UPK3A: variants seen among roughly 807,000 people sequenced by gnomAD.
UPK3A encodes uroplakin-3a.
In UPK3A, 32 loss-of-function variants were observed where a neutral mutation model predicts 27.6. The ratio of observed to expected loss-of-function variants is 1.16; its 90% CI spans 0.87 to 1.55. The LOEUF (loss-of-function observed/expected upper bound fraction) is 1.55. Ranked by LOEUF, UPK3A falls within the 40% of genes most tolerant of loss-of-function variation. The pLI, the probability that UPK3A is intolerant of heterozygous loss-of-function variation, is 0.00. For missense variants in UPK3A, 370 were observed against 367.9 expected (o/e 1.01, Z -0.05); for synonymous variants, 171 against 163.9 (o/e 1.04, Z -0.33).
chr22:45,286,047 G>T lies in UPK3A; in HGVS notation c.159G>T (p.Glu53Asp). Residue 53 changes from glutamate (E) to aspartate (D), a missense_variant, in exon 2 of 6, where the codon GAG becomes GAT. Transcript: ENST00000216211. ...EKPLCMFDSK[E>D]ALTGTHEVYL... ...CTCTCTGCATGTTTGACAGCAAAGA[G>T]GCCCTCACTGGCACCCACGAGGTCT... 1.2e-6 allele frequency: 2 copies of T among 1,614,190 alleles called. No individual in the cohort carries two copies. The highest frequency in any genetic ancestry group is 2.2e-5 in the South Asian group (2 of 91,086).
rs989026287 is a variant in UPK3A, at chr22:45,287,200, C to T, written c.237C>T (p.Asp79=). The T allele has an allele frequency of 1.9e-6, 3 of 1,614,218 alleles. No homozygotes were observed. Among genetic ancestry groups the T allele is most frequent in the South Asian group, 2.2e-5 (2 of 91,086 alleles). ...TTTCCAGGAATGCCTCAGTGCAAGA[C>T]AGCACCAACACCCCACTGGGCTCAA... is the stretch of plus-strand genomic sequence containing the variant. ...SAISRNASVQ[D]STNTPLGSTF... is the part of the protein sequence containing the mutation. Residue 79 remains aspartate (D), a synonymous_variant, in exon 3 of 6, where the codon GAC becomes GAT. Transcript: ENST00000216211.
At chr22:45,290,356 A>T (rs1318310821) in intron 4 of UPK3A, among the ~76,000 whole-genome samples, 1 of 152,170 alleles carries the variant, frequency 6.6e-6, no homozygotes, top group Non-Finnish European at 1.5e-5. Flanking sequence ...TGTTGAGCCC[A>T]TGTGCACCCC....
At chr22:45,291,940 G>A (rs1003259984) in intron 4 of UPK3A, among the ~76,000 whole-genome samples, 18 of 151,896 alleles carry the variant, frequency 1.2e-4, no homozygotes, top group Non-Finnish European at 1.0e-4. Context: ...GGCAGTGTGT[G>A]TCAGTTGGTA....
chr22:45,295,602 A>T lies in UPK3A; in HGVS notation c.747A>T (p.Gln249His). ...SSDGETTHDS[Q>H]ITQEAVPKSL... ...ATGGGGAAACGACTCACGACTCCCA[A>T]ATCACTCAGGAGGCTGTTCCCAAGT... Residue 249 changes from glutamine to histidine, a missense_variant, in exon 6 of 6, where the codon CAA (glutamine) becomes CAT (histidine). Gln to His is a conservative substitution (Grantham distance 24). Transcript: ENST00000216211. The T allele has an allele frequency of 6.2e-7, 1 of 1,614,066 alleles. No homozygotes were observed. The highest frequency in any genetic ancestry group is 8.5e-7 in the Non-Finnish European group (1 of 1,180,020).
intron 4 of UPK3A, 29 bp downstream of exon 4, chr22:45,289,172 G>T (rs1374491081): frequency 6.8e-6 from 11 of 1,611,140 alleles, no homozygotes; most frequent in Non-Finnish European, 8.5e-6. Flanking sequence ...TGGTGGTGAT[G>T]CTCAAGGGGA....
chr22:45,295,560 G>A lies in UPK3A; in HGVS notation c.705G>A (p.Val235=). 1 of 1,614,084 alleles carries A rather than the reference G, an allele frequency of 6.2e-7. No individual in the cohort carries two copies. The highest frequency in any genetic ancestry group is 1.1e-5 in the South Asian group (1 of 91,084). ...TGGGTCTTTCCATCCCCTTGGACAG[G>A]GACATGGGGAGTTCTGATGGGGAAA... ...GFAGAIALSL[V]DMGSSDGETT... The change falls in exon 6 of 6, where the codon GTG becomes GTA. Residue 235 remains valine (V), a splice_region_variant and synonymous_variant. Coordinates refer to ENST00000216211, the MANE Select transcript of UPK3A (RefSeq NM_006953.4).
rs2084175263 is a variant in UPK3A at position 45,293,389 on chromosome 22, G to A, written c.704+76G>A. On this transcript the variant is annotated intron_variant, in intron 5 of 5. Coordinates refer to ENST00000216211, the MANE Select transcript of UPK3A (RefSeq NM_006953.4). ...ATTTGGCTCACAGGGACTCAGCAGT[G>A]GGGTCCTCCGAGGCAGGGGACAGCC... 5 of 1,587,236 alleles carry A rather than the reference G, an allele frequency of 3.2e-6. No homozygotes were observed. The Admixed American group carries it at 6.7e-5, about 21-fold the overall frequency.
intron 3 of UPK3A, 84 bp downstream of exon 3, chr22:45,287,535 C>A: frequency 6.6e-7 from 1 of 1,509,738 alleles, no homozygotes; most frequent in Non-Finnish European, 9.0e-7. Context: ...TAGGAGCAGC[C>A]ACACTTCTTG....
At chr22:45,288,961 C>T in intron 3 of UPK3A, 100 bp from the exon 4 acceptor site, 2 of 1,139,248 alleles carry the variant, frequency 1.8e-6, no homozygotes, top group East Asian at 4.8e-5. Flanking sequence ...GCCCCCGCTG[C>T]CGTCTCCCAC....
At chr22:45,294,466 G>T (rs1294960145) in intron 5 of UPK3A, among the ~76,000 whole-genome samples, 1 of 152,060 alleles carries the variant, frequency 6.6e-6, no homozygotes, top group East Asian at 1.9e-4. Flanking sequence ...AATCAGAGGT[G>T]TCAGTGGAGT....
At chr22:45,285,152 T>A in intron 1 of UPK3A, 87 bp downstream of exon 1, 3 of 1,257,142 alleles carry the variant, frequency 2.4e-6, no homozygotes, top group Non-Finnish European at 3.3e-6. Context: ...CCCTGATTCC[T>A]GGCGCTGGGG....
At position 45,295,548 on chromosome 22, in the gene UPK3A, C is replaced by T; in HGVS notation, c.705-12C>T. On this transcript the variant is annotated splice_polypyrimidine_tract_variant and intron_variant, in intron 5 of 5. Coordinates refer to ENST00000216211, the MANE Select transcript of UPK3A (RefSeq NM_006953.4). Reference sequence around the variant, plus strand: ...GTCCCCTAATCCTGGGTCTTTCCATCCCCTTGGACAGGGACATGGGGAGTT... The same window carrying T: ...GTCCCCTAATCCTGGGTCTTTCCATTCCCTTGGACAGGGACATGGGGAGTT... 1 of 1,614,080 alleles carries T rather than the reference C, an allele frequency of 6.2e-7. No individual in the cohort carries two copies.
intron 5 of UPK3A, among the ~76,000 whole-genome samples, chr22:45,294,415 C>CA (rs909865095): frequency 2.0e-5 from 3 of 151,198 alleles, no homozygotes; most frequent in Non-Finnish European, 2.9e-5. Flanking sequence ...CCTGGTACAC[C>CA]CCCCCCGGGA....
At chr22:45,289,491 T>C (rs2084143964) in intron 4 of UPK3A, among the ~76,000 whole-genome samples, 2 of 147,414 alleles carry the variant, frequency 1.4e-5, no homozygotes, top group African/African-American at 5.1e-5. Flanking sequence ...GGCGGGAGAA[T>C]AGCGTGAACC....
In UPK3A at chr22:45,287,218, G is replaced by A. The variant is rs781421088; in HGVS notation, c.255G>A (p.Leu85=). The part of the protein sequence containing the change: ...ASVQDSTNTP[L]GSTFLQTEGG... ...TGCAAGACAGCACCAACACCCCACT[G>A]GGCTCAACGTTCCTACAAACAGAGG... The change falls in exon 3 of 6, where the codon CTG becomes CTA. Residue 85 remains leucine (L), a synonymous_variant. Coordinates refer to ENST00000216211, the MANE Select transcript of UPK3A (RefSeq NM_006953.4). The A allele has an allele frequency of 1.9e-6, 3 of 1,614,086 alleles. No homozygotes were observed. Among genetic ancestry groups the A allele is most frequent in the Non-Finnish European group, 2.5e-6 (3 of 1,180,046 alleles).
intron 4 of UPK3A, 45 bp from the exon 5 acceptor site, chr22:45,293,136 G>T: frequency 1.2e-6 from 2 of 1,610,082 alleles, no homozygotes; most frequent in Non-Finnish European, 1.7e-6. Context: ...GAAGGGTGAG[G>T]GTGGTGCGGT....
chr22:45,284,976 G>A lies in UPK3A; in HGVS notation c.-38G>A, dbSNP rs1464624143. 2 of 1,526,972 alleles carry A rather than the reference G, an allele frequency of 1.3e-6. No individual in the cohort carries two copies. The highest frequency in any genetic ancestry group is 2.4e-5 in the South Asian group (2 of 83,516). 94.6% of individuals were successfully genotyped at this position (1,526,972 alleles called of 1,614,324 possible). A position where few individuals can be genotyped will look rare whatever the true frequency, so the allele number is the denominator to read the frequency against. On this transcript the variant is annotated 5_prime_UTR_variant, in exon 1 of 6. Transcript: ENST00000216211. ...GTCTGGTGCCCGCGCCTGCTCGCTG[G>A]ACCGCCCGCCCCGCGCTCTGGCGGC...
chr22:45,287,275 C>T lies in UPK3A; in HGVS notation c.312C>T (p.Ala104=). The change falls in exon 3 of 6, where the codon GCC becomes GCT. Residue 104 remains alanine, a synonymous_variant. Transcript: ENST00000216211. The part of the protein sequence containing the change: ...GGRTGPYKAV[A]FDLIPCSDLP... ...GGACAGGTCCCTACAAAGCTGTGGC[C>T]TTTGACCTGATCCCCTGCAGTGACC... The T allele has an allele frequency of 6.2e-7, 1 of 1,614,210 alleles. No individual in the cohort carries two copies. The highest frequency in any genetic ancestry group is 1.7e-5 in the Admixed American group (1 of 60,032).
At position 45,295,567 on chromosome 22, in the gene UPK3A, G is replaced by A. The variant is rs1332504596; in HGVS notation, c.712G>A (p.Gly238Arg). 5 of 1,613,974 alleles carry A rather than the reference G, an allele frequency of 3.1e-6. No homozygotes were observed. The African/African-American group carries it at 5.3e-5, about 17-fold the overall frequency. ...GAIALSLVDM[G>R]SSDGETTHDS... ...TTCCATCCCCTTGGACAGGGACATG[G>A]GGAGTTCTGATGGGGAAACGACTCA... The change falls in exon 6 of 6, where the codon GGG becomes AGG. Residue 238 changes from glycine (G) to arginine (R), a missense_variant. Coordinates refer to ENST00000216211, the MANE Select transcript of UPK3A (RefSeq NM_006953.4).
Sources: allele counts gnomAD v4.1 joint callset (sites outside exome capture counted in the v4.1 genomes callset), GRCh38; gene constraint gnomAD v4.1.1; transcripts MANE v1.5; gene names NCBI Gene and HGNC (gene_info 2026-07-23, HGNC 2026-07-21).